The following COP1 variants were observed in gnomAD, a reference collection of about 807,000 sequenced individuals.
The protein encoded by COP1 is COP1 E3 ubiquitin ligase, also known as E3 ubiquitin-protein ligase COP1.
COP1 carries 24 observed loss-of-function variants against 101.3 expected under a neutral mutation model. The observed-to-expected ratio is 0.24, with a 90% confidence interval of 0.17 to 0.33. The LOEUF (loss-of-function observed/expected upper bound fraction) is 0.33, where lower values mean the gene tolerates loss of function less well. Among genes scored for constraint, COP1 ranks in the 10% least tolerant of loss-of-function variants. The pLI, the probability that COP1 is intolerant of heterozygous loss-of-function variation, is 1.00. For synonymous variants in COP1, 347 were observed against 341.9 expected, an observed-to-expected ratio of 1.01 and a Z score of -0.17; for missense variants, 663 against 906.2, an observed-to-expected ratio of 0.73 and a Z score of 3.45.
chr1:176,067,185 T>C (rs762929309), intron 11 of COP1, among the ~76,000 whole-genome samples: 1 of 152,112 alleles, frequency 6.6e-6, no homozygotes, highest in African/African-American at 2.4e-5. Flanking sequence ...GTGATAATAA[T>C]GTGTCAATGT....
chr1:176,085,562 A>G lies in COP1; in HGVS notation c.1141+214T>C, dbSNP rs548488677. 3.3e-5 allele frequency among the ~76,000 whole-genome samples: 5 copies of G among 152,330 alleles called. 1 individual carries two copies. Among genetic ancestry groups the G allele is most frequent in the African/African-American group, 1.2e-4 (5 of 41,582 alleles). On this transcript the variant is annotated intron_variant, in intron 10 of 19. Coordinates refer to ENST00000367669, the MANE Select transcript of COP1 (RefSeq NM_022457.7). The stretch of plus-strand genomic sequence containing the variant: ...TTTAACTTTATCTAGCTTGCCATAT[A>G]AAGATTCAGAATTCACAAATATAGA...
chr1:176,077,828 A>G (rs1209908930), intron 11 of COP1, among the ~76,000 whole-genome samples: 1 of 152,212 alleles, frequency 6.6e-6, no homozygotes, highest in East Asian at 1.9e-4. Context: ...ATCGATGTAC[A>G]AAACTTGGTA....
rs555807388 is a variant in COP1 at position 175,999,012 on chromosome 1, T to C, written c.1730-9533A>G. On this transcript the variant is annotated intron_variant, in intron 15 of 19. Coordinates refer to ENST00000367669, the MANE Select transcript of COP1 (RefSeq NM_022457.7). ...GATGGGTTTCTATGACTCTCTATTT[T>C]GTTTTATGTCTTTCCATTTTAAAAC... Among the ~76,000 whole-genome samples, 6 of 152,256 alleles carry C rather than the reference T, an allele frequency of 3.9e-5. No individual in the cohort carries two copies. In the East Asian group the frequency reaches 1.2e-3, roughly 29 times the overall value.
intron 9 of COP1, among the ~76,000 whole-genome samples, chr1:176,090,252 A>G (rs778534876): frequency 3.9e-5 from 6 of 152,118 alleles, no homozygotes; most frequent in Non-Finnish European, 5.9e-5. Flanking sequence ...GATCGAATCA[A>G]TGTAAACTTC....
intron 9 of COP1, among the ~76,000 whole-genome samples, chr1:176,090,285 T>G (rs911295579): frequency 2.0e-5 from 3 of 152,166 alleles, no homozygotes; most frequent in Non-Finnish European, 4.4e-5. Context: ...AGGTGTCTTA[T>G]GTCTCCTTAA....
intron 18 of COP1, among the ~76,000 whole-genome samples, chr1:175,947,635 G>A (rs1184307482): frequency 6.6e-6 from 1 of 152,118 alleles, no homozygotes; most frequent in African/African-American, 2.4e-5. Flanking sequence ...CTCCCAAAGT[G>A]CTGGGATTAC....
chr1:176,202,185 C>CTT (rs11367274), intron 1 of COP1, among the ~76,000 whole-genome samples: 19 of 96,392 alleles, frequency 2.0e-4, no homozygotes, highest in Non-Finnish European at 2.4e-4. Context: ...TTCTAGTTCA[C>CTT]TTTTTTTTTT....
At chr1:175,956,383 T>C (rs1203576588) in intron 18 of COP1, among the ~76,000 whole-genome samples, 5 of 151,872 alleles carry the variant, frequency 3.3e-5, no homozygotes, top group South Asian at 4.1e-4. Flanking sequence ...TCTAAATAGA[T>C]CTAAGACATA....
At chr1:176,199,284 TCCA>T (rs1251632946) in intron 1 of COP1, among the ~76,000 whole-genome samples, 2 of 152,044 alleles carry the variant, frequency 1.3e-5, no homozygotes, top group African/African-American at 4.8e-5. Context: ...GCCACTGCAC[TCCA>T]GCTGGGGCGA....
intron 3 of COP1, among the ~76,000 whole-genome samples, chr1:176,172,734 T>C (rs1259436005): frequency 6.6e-6 from 1 of 152,174 alleles, no homozygotes; most frequent in Non-Finnish European, 1.5e-5. Context: ...TTAGAAAACA[T>C]TTTTTAGTAT....
intron 18 of COP1, among the ~76,000 whole-genome samples, chr1:175,954,709 A>T (rs1384116104): frequency 6.6e-6 from 1 of 152,166 alleles, no homozygotes; most frequent in African/African-American, 2.4e-5. Flanking sequence ...AGTTGTTAAA[A>T]ATGAAGACTA....
intron 15 of COP1, chr1:176,018,572 C>T (rs550590889): frequency 1.3e-5 from 2 of 152,010 alleles, no homozygotes; most frequent in Non-Finnish European, 2.9e-5. Flanking sequence ...ACTCTCAATC[C>T]TTGAGGAACA....
intron 11 of COP1, among the ~76,000 whole-genome samples, chr1:176,067,816 A>G (rs1197182363): frequency 6.6e-6 from 1 of 152,156 alleles, no homozygotes; most frequent in African/African-American, 2.4e-5. Flanking sequence ...GCATTCTATA[A>G]CACATGCCCA....
At chr1:176,033,638 A>C (rs1208211030) in intron 14 of COP1, among the ~76,000 whole-genome samples, 1 of 152,194 alleles carries the variant, frequency 6.6e-6, no homozygotes, top group African/African-American at 2.4e-5. Context: ...GAACCTTTAA[A>C]ATGACTCATA....
chr1:176,084,091 C>T (rs2149412872), intron 10 of COP1, among the ~76,000 whole-genome samples: 1 of 152,176 alleles, frequency 6.6e-6, no homozygotes, highest in South Asian at 2.1e-4. Context: ...ATCTCTTTCC[C>T]ACCTCTTTTT....
intron 1 of COP1, among the ~76,000 whole-genome samples, chr1:176,200,366 T>G (rs1700140687): frequency 6.6e-6 from 1 of 152,196 alleles, no homozygotes; most frequent in African/African-American, 2.4e-5. Context: ...CAGTCGTAAT[T>G]TTTACAAAGC....
At chr1:175,951,881 CG>C (rs1378042841) in intron 18 of COP1, among the ~76,000 whole-genome samples, 7 of 61,192 alleles carry the variant, frequency 1.1e-4, no homozygotes, top group East Asian at 1.3e-3. Flanking sequence ...TATATGAAAA[CG>C]TTAAGACTAA....
At chr1:176,115,385 G>A (rs1176362768) in intron 9 of COP1, among the ~76,000 whole-genome samples, 7 of 152,014 alleles carry the variant, frequency 4.6e-5, no homozygotes, top group Non-Finnish European at 7.4e-5. Flanking sequence ...AGAAGGCAGA[G>A]GTTGCAGTGA....
chr1:176,012,912 C>T (rs1269590656), intron 15 of COP1, among the ~76,000 whole-genome samples: 1 of 152,140 alleles, frequency 6.6e-6, no homozygotes, highest in Non-Finnish European at 1.5e-5. Flanking sequence ...AATGCATCCC[C>T]ATCCTTGAGC....
Sources: gnomAD v4.1 joint callset for allele counts (sites outside exome capture counted in the v4.1 genomes callset) on GRCh38, gnomAD v4.1.1 for gene constraint, MANE v1.5 for transcripts, NCBI Gene and HGNC (gene_info 2026-07-23, HGNC 2026-07-21) for gene names.